METTL16: variants seen among roughly 807,000 people sequenced by gnomAD.
METTL16 encodes RNA N(6)-adenosine-methyltransferase METTL16.
METTL16 carries 19 observed loss-of-function variants against 57.9 expected under a neutral mutation model. That is an observed-to-expected ratio of 0.33 (90% CI 0.23 to 0.48). The LOEUF is 0.48. Ranked by LOEUF, METTL16 falls within the 20% of genes least tolerant of loss-of-function variation. The probability of loss-of-function intolerance (pLI) is 0.99; values close to 1 mark genes in which losing one functional copy is unlikely to be tolerated. For missense variants in METTL16, 434 were observed against 691.5 expected, an observed-to-expected ratio of 0.63 and a Z score of 4.18; for synonymous variants, 246 against 255.6, an observed-to-expected ratio of 0.96 and a Z score of 0.36.
chr17:2,496,457 C>A lies in METTL16; in HGVS notation c.128+5747G>T, dbSNP rs908965989. Among the ~76,000 whole-genome samples the A allele has an allele frequency of 7.9e-5, 12 of 151,496 alleles. 1 individual carries two copies. Among genetic ancestry groups the A allele is most frequent in the Admixed American group, 7.9e-4 (12 of 15,236 alleles). On this transcript the variant is annotated intron_variant, in intron 2 of 9. Transcript: ENST00000263092. The stretch of plus-strand genomic sequence containing the variant: ...GGGATTACAGACGTGCACCACTATA[C>A]CCTGTCAAACATGTTTTTAAAAATT...
Position 2,441,576 on chromosome 17 carries a change from C to CA in METTL16, c.729-18dup, listed in dbSNP as rs780458543. The CA allele has an allele frequency of 7.2e-6, 11 of 1,525,010 alleles. No individual in the cohort carries two copies. Among genetic ancestry groups the CA allele is most frequent in the Non-Finnish European group, 9.7e-6 (11 of 1,129,014 alleles). 94.5% of individuals were successfully genotyped at this position (1,525,010 alleles called of 1,614,324 possible). On this transcript the variant is annotated splice_polypyrimidine_tract_variant and intron_variant, in intron 6 of 9. Transcript: ENST00000263092. ...CTATACCATCTAGGAAAAAAAAAAT[C>CA]AGACAAGTAAATACGGTTTATGTGG...
intron 8 of METTL16, among the ~76,000 whole-genome samples, chr17:2,423,604 G>A (rs2066785229): frequency 6.6e-6 from 1 of 152,076 alleles, no homozygotes; most frequent in African/African-American, 2.4e-5. Context: ...CAACATCAAA[G>A]GCCATGACCA....
At chr17:2,504,145 T>C (rs2067512543) in intron 1 of METTL16, among the ~76,000 whole-genome samples, 1 of 152,178 alleles carries the variant, frequency 6.6e-6, no homozygotes, top group African/African-American at 2.4e-5. Flanking sequence ...ATGCTTTCAC[T>C]TATATGAGGC....
intron 6 of METTL16, among the ~76,000 whole-genome samples, chr17:2,455,377 G>A (rs2067102243): frequency 6.6e-6 from 1 of 152,120 alleles, no homozygotes; most frequent in South Asian, 2.1e-4. Flanking sequence ...GTGAGCCACC[G>A]TGCCCAGCCT....
intron 6 of METTL16, among the ~76,000 whole-genome samples, chr17:2,443,852 A>G (rs1490358935): frequency 1.3e-5 from 2 of 152,184 alleles, no homozygotes; most frequent in Non-Finnish European, 2.9e-5. Flanking sequence ...CATGAACATA[A>G]GATATAAAAA....
At chr17:2,480,972 G>A (rs1461506583) in intron 2 of METTL16, among the ~76,000 whole-genome samples, 1 of 152,162 alleles carries the variant, frequency 6.6e-6, no homozygotes, top group African/African-American at 2.4e-5. Flanking sequence ...GGAGGCCAAG[G>A]CAGATGGATC....
intron 6 of METTL16, among the ~76,000 whole-genome samples, chr17:2,452,033 G>C (rs2067074981): frequency 6.6e-6 from 1 of 151,546 alleles, no homozygotes. Context: ...GCTACTAGGG[G>C]GGCTGAGGTG....
chr17:2,499,404 A>C (rs1639152296), intron 2 of METTL16, among the ~76,000 whole-genome samples: 1 of 148,172 alleles, frequency 6.7e-6, no homozygotes, highest in South Asian at 2.1e-4. Flanking sequence ...CCTGGACTCA[A>C]GATCCTCTCA....
At chr17:2,486,572 A>G (rs930793363) in intron 2 of METTL16, among the ~76,000 whole-genome samples, 1 of 152,058 alleles carries the variant, frequency 6.6e-6, no homozygotes, top group Non-Finnish European at 1.5e-5. Context: ...CACCCAGCTG[A>G]TAAAAGTATA....
intron 6 of METTL16, among the ~76,000 whole-genome samples, chr17:2,457,168 CT>C (rs1378554767): frequency 2.7e-5 from 4 of 148,568 alleles, no homozygotes; most frequent in African/African-American, 9.9e-5. Context: ...CCCGTCTCTA[CT>C]AAAAATACAA....
intron 8 of METTL16, among the ~76,000 whole-genome samples, chr17:2,424,737 G>A (rs993870053): frequency 2.0e-5 from 3 of 151,620 alleles, no homozygotes; most frequent in Non-Finnish European, 4.4e-5. Context: ...TCACAAGGTC[G>A]GGAGATTGAG....
In METTL16 at chr17:2,420,042, C is replaced by G. The variant is rs1567877910; in HGVS notation, c.1617G>C (p.Gln539His). Residue 539 changes from glutamine to histidine, a missense_variant, in exon 10 of 10, where the codon CAG (glutamine) becomes CAC (histidine). Gln to His is a conservative substitution (Grantham distance 24, BLOSUM62 0). This residue lies in a region of METTL16 where 26 missense variants were observed against 60.7 expected (regional missense o/e 0.43). Coordinates refer to ENST00000263092, the MANE Select transcript of METTL16 (RefSeq NM_024086.4). The surrounding 1 kb of genome is among the most constrained non-coding windows in gnomAD (Gnocchi z 5.4). Reference protein sequence around the residue: ...ALVEMHWVEGQNRDLMNQLCT... With the variant: ...ALVEMHWVEGHNRDLMNQLCT... ...AAAGCTGGTTCATCAGATCCCTGTTCTGGCCCTCAACCCAGTGCATCTCCA... is the reference window on the plus strand; with the variant it reads ...AAAGCTGGTTCATCAGATCCCTGTTGTGGCCCTCAACCCAGTGCATCTCCA... 18 of 1,614,218 alleles carry G rather than the reference C, an allele frequency of 1.1e-5. No homozygotes were observed. The highest frequency in any genetic ancestry group is 1.5e-5 in the Non-Finnish European group (18 of 1,180,050).
chr17:2,441,363 C>CGGTG (rs1199441141), intron 7 of METTL16, 127 bp downstream of exon 7: 7 of 586,748 alleles, frequency 1.2e-5, no homozygotes, highest in Non-Finnish European at 1.9e-5. Flanking sequence ...TGAATTGTTC[C>CGGTG]GGTGACAGTT....
chr17:2,493,912 T>C (rs1238126031), intron 2 of METTL16, among the ~76,000 whole-genome samples: 2 of 152,098 alleles, frequency 1.3e-5, no homozygotes, highest in South Asian at 2.1e-4. Flanking sequence ...TAGGCTCACA[T>C]TGCTCTCATC....
chr17:2,480,149 G>A (rs1251148404), intron 2 of METTL16, among the ~76,000 whole-genome samples: 1 of 145,830 alleles, frequency 6.9e-6, no homozygotes, highest in Non-Finnish European at 1.5e-5. Flanking sequence ...CTGTGCCACT[G>A]CACTTCAGCC....
intron 1 of METTL16, among the ~76,000 whole-genome samples, chr17:2,503,577 C>T (rs1257789192): frequency 6.6e-6 from 1 of 151,034 alleles, no homozygotes; most frequent in Non-Finnish European, 1.5e-5. Flanking sequence ...TATCCATACA[C>T]TAAATATGGA....
At chr17:2,475,664 T>A (rs768037832) in intron 3 of METTL16, among the ~76,000 whole-genome samples, 4 of 152,154 alleles carry the variant, frequency 2.6e-5, no homozygotes, top group Admixed American at 1.3e-4. Flanking sequence ...CAGAATGAAA[T>A]CCCCTCAGAA....
chr17:2,419,913 C>T lies in METTL16; in HGVS notation c.*57G>A. On this transcript the variant is annotated 3_prime_UTR_variant, in exon 10 of 10. Transcript: ENST00000263092. ...GCTGGTAGGATTCCTCTTGCCACCC[C>T]ACAGGCCACTCCAAAGCAAGTTACT... 1.3e-6 allele frequency: 2 copies of T among 1,593,006 alleles called. No homozygotes were observed. Among genetic ancestry groups the T allele is most frequent in the South Asian group, 2.3e-5 (2 of 87,616 alleles).
In METTL16 at chr17:2,416,217, G is replaced by C. The variant is rs1015994601; in HGVS notation, c.*3753C>G. 3.9e-5 allele frequency: 6 copies of C among 152,146 alleles called. No individual in the cohort carries two copies. Among genetic ancestry groups the C allele is most frequent in the African/African-American group, 1.2e-4 (5 of 41,430 alleles). The allele number at this position is 152,146 out of a possible 1,614,324, so 9.4% of individuals were successfully genotyped here. On this transcript the variant is annotated 3_prime_UTR_variant, in exon 10 of 10. Coordinates refer to ENST00000263092, the MANE Select transcript of METTL16 (RefSeq NM_024086.4). ...AAGGCGCTTTGATAAAAGGGCCAAG[G>C]GTGCCCTCGTGTGGCCACGGAGGGA...
Sources: gnomAD v4.1 joint callset for allele counts (sites outside exome capture counted in the v4.1 genomes callset) on GRCh38, gnomAD v4.1.1 for gene constraint, gnomAD v4.1.1 regional missense constraint, Gnocchi (gnomAD v3.1) non-coding constraint, MANE v1.5 for transcripts, NCBI Gene and HGNC (gene_info 2026-07-23, HGNC 2026-07-21) for gene names.